The following ZNF717 variants were observed in gnomAD, a reference collection of about 807,000 sequenced individuals.
The protein encoded by ZNF717 is krueppel-like factor X17.
In ZNF717, 9 loss-of-function variants were observed where a neutral mutation model predicts 13.8. The observed-to-expected ratio is 0.65, with a 90% CI of 0.39 to 1.14. The LOEUF (loss-of-function observed/expected upper bound fraction) is 1.14, where lower values mean the gene tolerates loss of function less well. Ranked by LOEUF, ZNF717 falls within the 50% of genes most tolerant of loss-of-function variation. The pLI is 0.01. For synonymous variants in ZNF717, 327 were observed against 364.1 expected (o/e 0.90, Z 1.16); for missense variants, 1,040 against 1,080.7 (o/e 0.96, Z 0.53).
chr3:75,730,589 C>T, exon 6 of ZNF717: 2 of 700,376 alleles, frequency 2.9e-6, no homozygotes, highest in Non-Finnish European at 5.2e-6. Context: ...ATTGGGAATA[C>T]AGTTCCAGAG....
rs1187825488 is a variant in ZNF717 at position 75,737,669 on chromosome 3, ATT to A, written c.1952_1953del (p.Glu651ValfsTer99). 3.7e-4 allele frequency: 215 copies of A among 583,656 alleles called. No homozygotes were observed. In the East Asian group the frequency reaches 0.018, roughly 50 times the overall value. 36.2% of individuals were successfully genotyped at this position (583,656 alleles called of 1,614,324 possible). A position where few individuals can be genotyped will look rare whatever the true frequency, so the allele number is the denominator to read the frequency against. Reference protein sequence around the residue: ...HTGEKPYVCNECGKTFHRKSF... With the variant: ...HTGEKPYVCNXCGKTFHRKSF... The stretch of plus-strand genomic sequence containing the variant: ...GACTTGCGATGAAAGGTTTTTCCAC[ATT>A]CATTACATACGTAAGGTTTCTCTCC... On this transcript the variant is annotated frameshift_variant, in exon 5 of 5. Coordinates refer to ENST00000652011, the MANE Select transcript of ZNF717 (RefSeq NM_001290208.3). LOFTEE classifies it low-confidence loss of function (END_TRUNC).
chr3:75,737,988 G>A lies in ZNF717; in HGVS notation c.1635C>T (p.Ser545=), dbSNP rs1939667448. 3 of 1,345,150 alleles carry A rather than the reference G, an allele frequency of 2.2e-6. No homozygotes were observed. Among genetic ancestry groups the A allele is most frequent in the Admixed American group, 2.5e-5 (1 of 40,528 alleles). The allele number at this position is 1,345,150 out of a possible 1,614,324, so 83.3% of individuals were successfully genotyped here. A position where few individuals can be genotyped will look rare whatever the true frequency, so the allele number is the denominator to read the frequency against. Residue 545 remains serine, a synonymous_variant, in exon 5 of 5, where the codon AGC becomes AGT. Transcript: ENST00000652011. The stretch of plus-strand genomic sequence containing the variant: ...GATGTACTGTAAGGTATGACTTGTG[G>A]CTATATGTTTTTCCACATTCGTTAC... ...YACNECGKTY[S]HKSYLTVHHR...
chr3:75,706,736 G>C (rs1174009007), downstream of ZNF717, among the ~76,000 whole-genome samples: 1 of 152,302 alleles, frequency 6.6e-6, no homozygotes, highest in Non-Finnish European at 1.5e-5. Context: ...ATTAGCTATC[G>C]AGAGATGGAG....
chr3:75,750,407 G>T (rs1575827248), intron 2 of ZNF717, among the ~76,000 whole-genome samples: 2 of 143,084 alleles, frequency 1.4e-5, no homozygotes, highest in Non-Finnish European at 3.1e-5. Flanking sequence ...CTGAATGTTT[G>T]CCCTCACACA....
At chr3:75,775,027 T>C (rs184594359) in intron 2 of ZNF717, among the ~76,000 whole-genome samples, 50 of 152,268 alleles carry the variant, frequency 3.3e-4, no homozygotes, top group African/African-American at 6.3e-4. Flanking sequence ...AATGGTGTGA[T>C]TGAGGCTCAC....
chr3:75,745,156 GT>G (rs143840895), intron 2 of ZNF717, among the ~76,000 whole-genome samples: 3,091 of 130,204 alleles, frequency 0.024, 113 homozygotes, highest in African/African-American at 0.082. Flanking sequence ...GTGGTCTGTT[GT>G]TTTTTTTTTT....
At chr3:75,776,966 AGGT>A (rs1393791320) in intron 2 of ZNF717, among the ~76,000 whole-genome samples, 1 of 152,226 alleles carries the variant, frequency 6.6e-6, no homozygotes, top group African/African-American at 2.4e-5. Context: ...ATTTGATTTT[AGGT>A]GGTTTGATTT....
At chr3:75,768,712 T>C (rs1353188646) in intron 2 of ZNF717, among the ~76,000 whole-genome samples, 1 of 146,404 alleles carries the variant, frequency 6.8e-6, no homozygotes, top group Non-Finnish European at 1.5e-5. Flanking sequence ...TCACTGCGGC[T>C]GAGTGTGTGG....
intron 2 of ZNF717, among the ~76,000 whole-genome samples, chr3:75,744,750 C>G (rs73843049): frequency 6.6e-6 from 1 of 152,224 alleles, no homozygotes; most frequent in African/African-American, 2.4e-5. Flanking sequence ...TTCAACCTTT[C>G]GGAAGGAAAA....
chr3:75,715,465 C>T (rs986822894), intron 5 of ZNF717, among the ~76,000 whole-genome samples: 1 of 152,080 alleles, frequency 6.6e-6, no homozygotes, highest in Admixed American at 6.5e-5. Context: ...AGATTTTGAC[C>T]TGTTTGATCT....
chr3:75,715,986 T>G (rs1938040572), intron 5 of ZNF717, among the ~76,000 whole-genome samples: 1 of 152,056 alleles, frequency 6.6e-6, no homozygotes, highest in Non-Finnish European at 1.5e-5. Context: ...TTGTTTTTTT[T>G]TTTTAGATGG....
Position 75,773,205 on chromosome 3 carries a change from A to T in ZNF717, c.57+10101T>A, listed in dbSNP as rs577936065. On this transcript the variant is annotated intron_variant, in intron 2 of 4. Coordinates refer to ENST00000652011, the MANE Select transcript of ZNF717 (RefSeq NM_001290208.3). ...TCTCGCATGCTTAGGTAGGAAAAAA[A>T]AAATCATTGGCTAAGTTAATCAAGG... Among the ~76,000 whole-genome samples the T allele has an allele frequency of 4.7e-4, 72 of 152,374 alleles. No individual in the cohort carries two copies. In the South Asian group the frequency reaches 0.014, roughly 30 times the overall value.
chr3:75,748,918 T>A (rs1941420687), intron 2 of ZNF717, among the ~76,000 whole-genome samples: 1 of 152,006 alleles, frequency 6.6e-6, no homozygotes, highest in Admixed American at 6.6e-5. Flanking sequence ...TTTGCAGGGG[T>A]CTCTTTGCCC....
chr3:75,726,720 T>A (rs1420605847), downstream of ZNF717, among the ~76,000 whole-genome samples: 3 of 152,270 alleles, frequency 2.0e-5, no homozygotes, highest in Admixed American at 2.0e-4. Flanking sequence ...ATGCAGTGAT[T>A]CTGCATTTAA....
At chr3:75,707,293 G>C (rs1164435176), downstream of ZNF717, among the ~76,000 whole-genome samples, 22 of 152,134 alleles carry the variant, frequency 1.4e-4, no homozygotes, top group Non-Finnish European at 2.2e-4. Flanking sequence ...AAGGCCATAA[G>C]AGTCCCCTTA....
At chr3:75,783,074 G>A (rs1177541749) in intron 2 of ZNF717, among the ~76,000 whole-genome samples, 1 of 152,212 alleles carries the variant, frequency 6.6e-6, no homozygotes, top group Non-Finnish European at 1.5e-5. Context: ...TAACAACCAT[G>A]ACTGACTTTT....
In ZNF717 at chr3:75,736,117, T is replaced by A. The variant is rs1167380865; in HGVS notation, c.*761A>T. On this transcript the variant is annotated 3_prime_UTR_variant, in exon 5 of 5. Coordinates refer to ENST00000652011, the MANE Select transcript of ZNF717 (RefSeq NM_001290208.3). ...ATTGTCTCAGCGTGCTGGAACTCTA[T>A]GGAAGATAGCAAACGTGATGGAAAA... The A allele has an allele frequency of 6.6e-6, 1 of 152,282 alleles. No homozygotes were observed. The highest frequency in any genetic ancestry group is 2.4e-5 in the African/African-American group (1 of 41,462). 9.4% of individuals were successfully genotyped at this position (152,282 alleles called of 1,614,324 possible).
chr3:75,745,671 T>G (rs1334005165), intron 2 of ZNF717, among the ~76,000 whole-genome samples: 1 of 152,034 alleles, frequency 6.6e-6, no homozygotes, highest in Non-Finnish European at 1.5e-5. Flanking sequence ...TGTAACTCTA[T>G]GAGATCAACT....
chr3:75,720,730 C>T (rs1575721683), intron 4 of ZNF717, among the ~76,000 whole-genome samples: 1 of 152,214 alleles, frequency 6.6e-6, no homozygotes, highest in Non-Finnish European at 1.5e-5. Flanking sequence ...TATTTGTAAA[C>T]CCAGTGCTTT....
Sources: allele counts gnomAD v4.1 joint callset (sites outside exome capture counted in the v4.1 genomes callset), GRCh38; gene constraint gnomAD v4.1.1; transcripts MANE v1.5; gene names NCBI Gene and HGNC (gene_info 2026-07-23, HGNC 2026-07-21).